The following USP15 variants were observed in gnomAD, a reference collection of about 807,000 sequenced individuals.
USP15 encodes the protein ubiquitin specific peptidase 15, also known as ubiquitin carboxyl-terminal hydrolase 15.
In USP15, 18 loss-of-function variants were observed where a neutral mutation model predicts 127.1. The ratio of observed to expected loss-of-function variants is 0.14; its 90% CI spans 0.10 to 0.21. The LOEUF is 0.21. Ranked by LOEUF, USP15 falls within the 10% of genes least tolerant of loss-of-function variation. The probability of loss-of-function intolerance (pLI) is 1.00; values close to 1 mark genes in which losing one functional copy is unlikely to be tolerated. For missense variants in USP15, 805 were observed against 1,159.9 expected, an observed-to-expected ratio of 0.69 and a Z score of 4.44; for synonymous variants, 364 against 393.7, an observed-to-expected ratio of 0.92 and a Z score of 0.89.
At chr12:62,391,986 A>G in intron 17 of USP15, 100 bp downstream of exon 17, 1 of 1,190,866 alleles carries the variant, frequency 8.4e-7, no homozygotes, top group African/African-American at 1.6e-5. Context: ...GCTTCCACCA[A>G]ATATGTTTAT....
At chr12:62,383,808 G>T in intron 9 of USP15, 32 bp from the exon 10 acceptor site, 2 of 1,603,320 alleles carry the variant, frequency 1.2e-6, no homozygotes, top group Non-Finnish European at 1.7e-6. Context: ...CCTGTTCCTA[G>T]AACTGATTTG....
intron 5 of USP15, among the ~76,000 whole-genome samples, chr12:62,323,590 T>C (rs1380337121): frequency 1.3e-5 from 2 of 152,216 alleles, no homozygotes; most frequent in Admixed American, 6.5e-5. Context: ...GGAAATCCAC[T>C]GATTAGCCAA....
chr12:62,404,589 G>A lies in USP15; in HGVS notation c.*214G>A, dbSNP rs2067807885. 6 of 421,872 alleles carry A rather than the reference G, an allele frequency of 1.4e-5. No individual in the cohort carries two copies. The highest frequency in any genetic ancestry group is 1.8e-5 in the Non-Finnish European group (5 of 270,616). 26.1% of individuals were successfully genotyped at this position (421,872 alleles called of 1,614,324 possible). A position where few individuals can be genotyped will look rare whatever the true frequency, so the allele number is the denominator to read the frequency against. On this transcript the variant is annotated 3_prime_UTR_variant, in exon 22 of 22. Transcript: ENST00000280377. ...TGTCTCTTAATACATTTACAGTCTT[G>A]TATTTACAAGCTAAATATATATAGG...
rs537904368 is a variant in USP15 at position 62,410,662 on chromosome 12, A to G, written c.*6287A>G. On this transcript the variant is annotated 3_prime_UTR_variant, in exon 22 of 22. Transcript: ENST00000280377. ...ACTTCCACCATAGCTAGCTCCAAACAGGTCATTAACCTCTGAATTACTGTT... is the reference window on the plus strand; with the variant it reads ...ACTTCCACCATAGCTAGCTCCAAACGGGTCATTAACCTCTGAATTACTGTT... 2 of 152,180 alleles carry G rather than the reference A, an allele frequency of 1.3e-5. No individual in the cohort carries two copies. Among genetic ancestry groups the G allele is most frequent in the Non-Finnish European group, 2.9e-5 (2 of 68,020 alleles). The allele number at this position is 152,180 out of a possible 1,614,324, so 9.4% of individuals were successfully genotyped here. A position where few individuals can be genotyped will look rare whatever the true frequency, so the allele number is the denominator to read the frequency against.
At chr12:62,323,964 A>C (rs958295189) in intron 5 of USP15, among the ~76,000 whole-genome samples, 6 of 151,848 alleles carry the variant, frequency 4.0e-5, no homozygotes, top group Admixed American at 2.0e-4. Context: ...ATAATTCTTC[A>C]GCCAGAGAAG....
intron 8 of USP15, among the ~76,000 whole-genome samples, chr12:62,364,992 A>G (rs1416259580): frequency 2.6e-5 from 4 of 152,094 alleles, no homozygotes; most frequent in Non-Finnish European, 4.4e-5. Context: ...AGACTTTGCT[A>G]TTGTGAAAAG....
At chr12:62,385,575 A>G (rs944479751) in intron 11 of USP15, among the ~76,000 whole-genome samples, 35 of 152,008 alleles carry the variant, frequency 2.3e-4, no homozygotes, top group African/African-American at 8.0e-4. Flanking sequence ...ATGCCCTCAT[A>G]TCAGTATTTC....
At chr12:62,376,949 A>G (rs2066849457) in intron 8 of USP15, among the ~76,000 whole-genome samples, 1 of 152,208 alleles carries the variant, frequency 6.6e-6, no homozygotes, top group Non-Finnish European at 1.5e-5. Context: ...ATCTGATAGG[A>G]AAATGATTTT....
chr12:62,354,436 A>G (rs928100584), intron 7 of USP15, among the ~76,000 whole-genome samples: 2 of 151,994 alleles, frequency 1.3e-5, no homozygotes, highest in Non-Finnish European at 2.9e-5. Flanking sequence ...ACAGATTGAA[A>G]GCATGCTTTT....
rs184141528 is a variant in USP15 at position 62,353,227 on chromosome 12, C to T, written c.771-2104C>T. 6.0e-4 allele frequency among the ~76,000 whole-genome samples: 92 copies of T among 152,066 alleles called. 1 individual carries two copies. The highest frequency in any genetic ancestry group is 1.2e-3 in the Admixed American group (19 of 15,244). ...CATCTAGACTATCTCAATCTTTGAG[C>T]AAAGTTGTAGATATTATTTAGGGAT... On this transcript the variant is annotated intron_variant, in intron 7 of 21. Transcript: ENST00000280377.
At chr12:62,403,495 T>C (rs532297913) in intron 21 of USP15, among the ~76,000 whole-genome samples, 152 of 152,070 alleles carry the variant, frequency 1.0e-3, no homozygotes, top group Non-Finnish European at 2.0e-3. Flanking sequence ...TTTATTAGGT[T>C]ATTGACCCTG....
intron 6 of USP15, among the ~76,000 whole-genome samples, chr12:62,337,423 G>C (rs1182767077): frequency 6.6e-6 from 1 of 152,090 alleles, no homozygotes; most frequent in African/African-American, 2.4e-5. Flanking sequence ...CTCAGAGCTT[G>C]TGCAGAGAAA....
rs2067895539 is a variant in USP15 at position 62,407,166 on chromosome 12, T to G, written c.*2791T>G. Reference sequence around the variant, plus strand: ...TGGACCAGGCACTATATTAAAGTGTTTATATGCATTCTCTCATTTAATCCC... The same window carrying G: ...TGGACCAGGCACTATATTAAAGTGTGTATATGCATTCTCTCATTTAATCCC... On this transcript the variant is annotated 3_prime_UTR_variant, in exon 22 of 22. Coordinates refer to ENST00000280377, the MANE Select transcript of USP15 (RefSeq NM_001252078.2). The G allele has an allele frequency of 6.6e-6, 1 of 152,204 alleles. No individual in the cohort carries two copies. The highest frequency in any genetic ancestry group is 1.5e-5 in the Non-Finnish European group (1 of 68,034). 9.4% of individuals were successfully genotyped at this position (152,204 alleles called of 1,614,324 possible). A position where few individuals can be genotyped will look rare whatever the true frequency, so the allele number is the denominator to read the frequency against.
intron 13 of USP15, 41 bp from the exon 14 acceptor site, chr12:62,389,756 C>T: frequency 6.3e-7 from 1 of 1,598,846 alleles, no homozygotes; most frequent in Non-Finnish European, 8.5e-7. Context: ...ATAGAAGTAA[C>T]ATAAAATTTT....
chr12:62,301,967 C>A (rs1195682794), intron 2 of USP15, among the ~76,000 whole-genome samples: 1 of 152,176 alleles, frequency 6.6e-6, no homozygotes, highest in Non-Finnish European at 1.5e-5. Flanking sequence ...CAGATTAGGA[C>A]TGTGATGTAG....
intron 1 of USP15, among the ~76,000 whole-genome samples, chr12:62,267,692 A>G (rs2137037869): frequency 6.6e-6 from 1 of 152,250 alleles, no homozygotes; most frequent in Non-Finnish European, 1.5e-5. Flanking sequence ...ACCAGTAGCA[A>G]GGACTTCTTT....
At chr12:62,355,946 A>G (rs1304209503) in intron 8 of USP15, among the ~76,000 whole-genome samples, 2 of 149,684 alleles carry the variant, frequency 1.3e-5, no homozygotes, top group Admixed American at 6.8e-5. Context: ...TAATTTGGGG[A>G]TATAAGAGAT....
intron 8 of USP15, among the ~76,000 whole-genome samples, chr12:62,372,701 C>A (rs1328498083): frequency 6.6e-6 from 1 of 151,870 alleles, no homozygotes; most frequent in Non-Finnish European, 1.5e-5. Context: ...ACCATTTTTT[C>A]ATAAATCCTT....
At chr12:62,381,724 G>A (rs1224418957) in intron 9 of USP15, 61 bp downstream of exon 9, 1 of 1,520,866 alleles carries the variant, frequency 6.6e-7, no homozygotes, top group Non-Finnish European at 8.9e-7. Context: ...TTGGTTCTTG[G>A]GGATAGGGGG....
Sources: allele counts gnomAD v4.1 joint callset (sites outside exome capture counted in the v4.1 genomes callset), GRCh38; gene constraint gnomAD v4.1.1; transcripts MANE v1.5; gene names NCBI Gene and HGNC (gene_info 2026-07-23, HGNC 2026-07-21).